The following LCLAT1 variants were observed in gnomAD, a reference collection of about 807,000 sequenced individuals.
The protein encoded by LCLAT1 is lysocardiolipin acyltransferase 1.
Under a neutral mutation model 30.7 loss-of-function variants are expected in LCLAT1, and 11 were observed. That is an observed-to-expected ratio of 0.36 (90% CI 0.23 to 0.59). The LOEUF (loss-of-function observed/expected upper bound fraction) is 0.59. LCLAT1 is among the 20% of genes least tolerant of loss of function. The pLI is 0.77. For synonymous variants in LCLAT1, 155 were observed against 151.3 expected, an observed-to-expected ratio of 1.02 and a Z score of -0.18; for missense variants, 402 against 458.6, an observed-to-expected ratio of 0.88 and a Z score of 1.13.
intron 4 of LCLAT1, 90 bp downstream of exon 4, chr2:30,562,382 A>C: frequency 9.5e-7 from 1 of 1,055,696 alleles, no homozygotes; most frequent in Non-Finnish European, 1.3e-6. Flanking sequence ...AACAAGAATA[A>C]TGGCTCTTCC....
chr2:30,579,205 A>G (rs1214099885), intron 5 of LCLAT1, among the ~76,000 whole-genome samples: 3 of 152,186 alleles, frequency 2.0e-5, no homozygotes, highest in African/African-American at 7.2e-5. Context: ...AAGACTTGAC[A>G]GGAAATACTG....
Position 30,538,201 on chromosome 2 carries a change from G to A in LCLAT1, c.364+4887G>A, listed in dbSNP as rs1032892238. Among the ~76,000 whole-genome samples the A allele has an allele frequency of 6.6e-5, 10 of 152,050 alleles. No individual in the cohort carries two copies. The South Asian group carries it at 2.1e-3, about 32-fold the overall frequency. ...CAAGAACAAACCAAACTGAAAATTA[G>A]CAAAAGGAAAGATATAAGAAAGATT... On this transcript the variant is annotated intron_variant, in intron 3 of 5. Transcript: ENST00000379509.
At chr2:30,575,220 A>G (rs954451166) in intron 5 of LCLAT1, among the ~76,000 whole-genome samples, 18 of 151,622 alleles carry the variant, frequency 1.2e-4, no homozygotes, top group African/African-American at 3.2e-4. Context: ...ATCATACTCT[A>G]TACATTTCTG....
intron 1 of LCLAT1, among the ~76,000 whole-genome samples, chr2:30,505,826 A>C (rs1684633389): frequency 6.6e-6 from 1 of 152,186 alleles, no homozygotes; most frequent in South Asian, 2.1e-4. Flanking sequence ...ATTTTAAGCA[A>C]GATAATTATA....
chr2:30,639,305 C>T (rs991007522), intron 5 of LCLAT1, among the ~76,000 whole-genome samples: 5 of 152,306 alleles, frequency 3.3e-5, no homozygotes, highest in Middle Eastern at 3.4e-3. Flanking sequence ...TCCCCAGTTA[C>T]GTTGAGAACA....
intron 5 of LCLAT1, among the ~76,000 whole-genome samples, chr2:30,623,813 G>A (rs1668384404): frequency 6.6e-6 from 1 of 152,148 alleles, no homozygotes; most frequent in African/African-American, 2.4e-5. Flanking sequence ...ATAGTCATCA[G>A]GTTATCTGAA....
chr2:30,475,239 T>TA (rs1682990153), intron 1 of LCLAT1, among the ~76,000 whole-genome samples: 1 of 152,246 alleles, frequency 6.6e-6, no homozygotes, highest in Admixed American at 6.5e-5. Context: ...GCTCAAGTGA[T>TA]ACTTCTGTCT....
intron 1 of LCLAT1, among the ~76,000 whole-genome samples, chr2:30,469,751 C>T (rs879560958): frequency 6.6e-6 from 1 of 151,814 alleles, no homozygotes; most frequent in Non-Finnish European, 1.5e-5. Context: ...GCTGGGACTA[C>T]AGGCATGTGC....
chr2:30,601,841 TCTACAACAAAACA>T (rs1667198942), intron 5 of LCLAT1, among the ~76,000 whole-genome samples: 2 of 151,120 alleles, frequency 1.3e-5, no homozygotes, highest in African/African-American at 4.9e-5. Context: ...GATATATTTA[TCTACAACAAAACA>T]AGGATCCTAT....
At chr2:30,471,658 G>A (rs1481064098) in intron 1 of LCLAT1, among the ~76,000 whole-genome samples, 1 of 152,090 alleles carries the variant, frequency 6.6e-6, no homozygotes, top group Non-Finnish European at 1.5e-5. Flanking sequence ...ATTGTAAATG[G>A]AATTACTAAT....
At chr2:30,500,016 A>G (rs1386723489) in intron 1 of LCLAT1, among the ~76,000 whole-genome samples, 1 of 152,202 alleles carries the variant, frequency 6.6e-6, no homozygotes, top group African/African-American at 2.4e-5. Flanking sequence ...TGACCCTGTT[A>G]TTATTTGTAC....
chr2:30,616,958 A>G (rs1191399894), intron 5 of LCLAT1, among the ~76,000 whole-genome samples: 1 of 152,196 alleles, frequency 6.6e-6, no homozygotes. Context: ...TGTTTAGACT[A>G]TAGCACATAT....
intron 5 of LCLAT1, among the ~76,000 whole-genome samples, chr2:30,618,157 C>T (rs1183601903): frequency 1.3e-5 from 2 of 152,082 alleles, no homozygotes; most frequent in Non-Finnish European, 2.9e-5. Flanking sequence ...AATATTGTCT[C>T]GATTACTGAA....
Position 30,510,214 on chromosome 2 carries a change from G to C in LCLAT1, c.-4-15373G>C, listed in dbSNP as rs1432486864. 2.0e-5 allele frequency among the ~76,000 whole-genome samples: 3 copies of C among 151,742 alleles called. No homozygotes were observed. The East Asian group carries it at 5.8e-4, about 29-fold the overall frequency. ...ATGATCTCTTACTTGCTGTATTTCA[G>C]ATCTCCCTTAGTCTTTGTTTACTTC... On this transcript the variant is annotated intron_variant, in intron 1 of 5. Coordinates refer to ENST00000379509, the MANE Select transcript of LCLAT1 (RefSeq NM_001002257.3).
chr2:30,453,002 CAGTTG>C (rs1416727472), intron 1 of LCLAT1, among the ~76,000 whole-genome samples: 1 of 152,096 alleles, frequency 6.6e-6, no homozygotes, highest in Non-Finnish European at 1.5e-5. Context: ...CAGCTTTTCG[CAGTTG>C]AGTTCTGAAG....
At position 30,525,594 on chromosome 2, in the gene LCLAT1, G is replaced by A. The variant is rs761766903; in HGVS notation, c.4G>A (p.Val2Met). The change falls in exon 2 of 6, where the codon GTG becomes ATG. Residue 2 changes from valine (V) to methionine (M), a missense_variant. Physicochemically the swap from Val to Met is conservative, Grantham distance 21 (BLOSUM62 1). Transcript: ENST00000379509. Reference sequence around the variant, plus strand: ...CTTTTTTATATCTTTCAGAATCATGGTGTCATGGAAAGGGATTTACTTTAT... The same window carrying A: ...CTTTTTTATATCTTTCAGAATCATGATGTCATGGAAAGGGATTTACTTTAT... M[V>M]SWKGIYFILT... The A allele has an allele frequency of 6.2e-7, 1 of 1,612,092 alleles. No homozygotes were observed. The highest frequency in any genetic ancestry group is 1.7e-5 in the Admixed American group (1 of 59,916).
chr2:30,616,492 G>T (rs1042178898), intron 5 of LCLAT1, among the ~76,000 whole-genome samples: 1 of 152,210 alleles, frequency 6.6e-6, no homozygotes, highest in Non-Finnish European at 1.5e-5. Context: ...AATATTGATT[G>T]CAAGACACAT....
intron 5 of LCLAT1, among the ~76,000 whole-genome samples, chr2:30,619,518 TAA>T (rs1558560982): frequency 6.6e-6 from 1 of 152,208 alleles, no homozygotes; most frequent in Non-Finnish European, 1.5e-5. Context: ...CTAGTGCTAA[TAA>T]AAAAGATACT....
At chr2:30,476,627 A>G in intron 1 of LCLAT1, 1 of 425,956 alleles carries the variant, frequency 2.3e-6, no homozygotes, top group South Asian at 1.7e-5. Context: ...CGCCGATTCT[A>G]CCATTATGGT....
Sources: gnomAD v4.1 joint callset for allele counts (sites outside exome capture counted in the v4.1 genomes callset) on GRCh38, gnomAD v4.1.1 for gene constraint, MANE v1.5 for transcripts, NCBI Gene and HGNC (gene_info 2026-07-23, HGNC 2026-07-21) for gene names.